Variants in AUTS2 observed in about 807,000 individuals in gnomAD.
AUTS2 encodes the protein autism susceptibility gene 2 protein.
Under a neutral mutation model 112.4 loss-of-function variants are expected in AUTS2, and 17 were observed. The observed-to-expected ratio is 0.15, with a 90% CI of 0.10 to 0.23. AUTS2 has a LOEUF of 0.23. AUTS2 is among the 10% of genes least tolerant of loss of function. The pLI is 1.00. For synonymous variants in AUTS2, 751 were observed against 702.7 expected (o/e 1.07, Z -1.09); for missense variants, 1,510 against 1,701.6 (o/e 0.89, Z 1.98).
intron 1 of AUTS2, among the ~76,000 whole-genome samples, chr7:69,707,391 A>G (rs588004): frequency 0.71 from 108,364 of 152,062 alleles, 38,670 homozygotes; most frequent in East Asian, 0.78. Context: ...CTAGCTTATT[A>G]CAGAACTCAG....
chr7:70,296,120 T>C (rs1255274552), intron 4 of AUTS2, among the ~76,000 whole-genome samples: 2 of 152,214 alleles, frequency 1.3e-5, no homozygotes, highest in Non-Finnish European at 2.9e-5. Flanking sequence ...AACCCATTTC[T>C]AGAGGGATCT....
chr7:70,163,611 G>A (rs1020210417), intron 4 of AUTS2, among the ~76,000 whole-genome samples: 16 of 152,110 alleles, frequency 1.1e-4, no homozygotes, highest in African/African-American at 3.6e-4. Context: ...TGGGGCAAAC[G>A]TCGTTTGCAG....
intron 5 of AUTS2, among the ~76,000 whole-genome samples, chr7:70,636,281 G>A (rs763598979): frequency 3.3e-5 from 5 of 152,246 alleles, no homozygotes; most frequent in South Asian, 2.1e-4. Flanking sequence ...CAGCAGCATC[G>A]CCACCTGGGA....
intron 4 of AUTS2, among the ~76,000 whole-genome samples, chr7:70,161,253 A>G (rs1808060552): frequency 1.3e-5 from 2 of 151,918 alleles, no homozygotes; most frequent in African/African-American, 4.8e-5. Context: ...GTGCTTGTTT[A>G]ATGAATCTTT....
chr7:70,403,737 G>A (rs768053949), intron 4 of AUTS2, among the ~76,000 whole-genome samples: 1 of 152,204 alleles, frequency 6.6e-6, no homozygotes, highest in Non-Finnish European at 1.5e-5. Context: ...CATAAGGAAG[G>A]CTTGGCAGAA....
chr7:69,781,211 G>T (rs1347367354), intron 1 of AUTS2, among the ~76,000 whole-genome samples: 1 of 152,226 alleles, frequency 6.6e-6, no homozygotes. Flanking sequence ...CCATGGCCTA[G>T]ATGAAGGTTA....
chr7:70,652,798 G>A (rs1304814573), intron 5 of AUTS2, among the ~76,000 whole-genome samples: 1 of 152,112 alleles, frequency 6.6e-6, no homozygotes, highest in Non-Finnish European at 1.5e-5. Flanking sequence ...TTTACTCTTG[G>A]ATATTGAGAT....
At chr7:69,980,439 G>T (rs1250471048) in intron 2 of AUTS2, among the ~76,000 whole-genome samples, 4 of 152,150 alleles carry the variant, frequency 2.6e-5, no homozygotes, top group Admixed American at 2.6e-4. Flanking sequence ...GGATAGTTGT[G>T]TGGAGAAAGG....
chr7:69,877,261 T>C (rs1345124543), intron 1 of AUTS2, among the ~76,000 whole-genome samples: 1 of 152,184 alleles, frequency 6.6e-6, no homozygotes, highest in Non-Finnish European at 1.5e-5. Flanking sequence ...TGAAAAGCCT[T>C]CTGCCACCAG....
chr7:70,285,636 C>T (rs988921277), intron 4 of AUTS2, among the ~76,000 whole-genome samples: 3 of 152,156 alleles, frequency 2.0e-5, no homozygotes, highest in Non-Finnish European at 4.4e-5. Context: ...GTACTGATAT[C>T]TTCTTCCAAA....
intron 5 of AUTS2, among the ~76,000 whole-genome samples, chr7:70,653,195 T>A (rs2129541982): frequency 6.6e-6 from 1 of 152,330 alleles, no homozygotes; most frequent in South Asian, 2.1e-4. Flanking sequence ...TGAGCTATGA[T>A]CATGCCACTG....
At chr7:70,242,088 G>T (rs1812643568) in intron 4 of AUTS2, among the ~76,000 whole-genome samples, 1 of 152,172 alleles carries the variant, frequency 6.6e-6, no homozygotes, top group Admixed American at 6.6e-5. Context: ...TGGCCTTAGG[G>T]AGGGAAGTCT....
intron 5 of AUTS2, among the ~76,000 whole-genome samples, chr7:70,608,311 C>T (rs1803890596): frequency 6.6e-6 from 1 of 152,028 alleles, no homozygotes; most frequent in South Asian, 2.1e-4. Context: ...CACTATGTTG[C>T]CCAGCCTGTC....
chr7:70,582,175 G>A (rs1802481782), intron 5 of AUTS2, among the ~76,000 whole-genome samples: 1 of 151,634 alleles, frequency 6.6e-6, no homozygotes, highest in South Asian at 2.1e-4. Context: ...GGAATTTTAT[G>A]AAGTTGGGGG....
chr7:69,667,597 CT>C (rs1185757459), intron 1 of AUTS2, among the ~76,000 whole-genome samples: 4 of 152,176 alleles, frequency 2.6e-5, no homozygotes. Flanking sequence ...CTCAGGTGAT[CT>C]GCCTGCCTTG....
intron 5 of AUTS2, among the ~76,000 whole-genome samples, chr7:70,658,102 C>T (rs1563107150): frequency 6.6e-6 from 1 of 152,220 alleles, no homozygotes; most frequent in African/African-American, 2.4e-5. Context: ...AACAATTGGA[C>T]TATAATGAGA....
chr7:70,777,066 G>A (rs370739585), intron 13 of AUTS2, 37 bp from the exon 14 acceptor site: 17 of 1,601,396 alleles, frequency 1.1e-5, no homozygotes, highest in Non-Finnish European at 1.4e-5. Flanking sequence ...TCTCTGAAAT[G>A]TCTTCCTCCT....
chr7:70,300,192 T>C (rs1789143404), intron 4 of AUTS2, among the ~76,000 whole-genome samples: 1 of 152,184 alleles, frequency 6.6e-6, no homozygotes, highest in African/African-American at 2.4e-5. Flanking sequence ...AGAATTGTCT[T>C]AGGCCACGCA....
chr7:69,802,336 C>A (rs560941041), intron 1 of AUTS2, among the ~76,000 whole-genome samples: 1 of 152,270 alleles, frequency 6.6e-6, no homozygotes, highest in South Asian at 2.1e-4. Flanking sequence ...GGAACCACCT[C>A]TCTCAGATCT....
Sources: allele counts gnomAD v4.1 joint callset (sites outside exome capture counted in the v4.1 genomes callset), GRCh38; gene constraint gnomAD v4.1.1; transcripts MANE v1.5; gene names NCBI Gene and HGNC (gene_info 2026-07-23, HGNC 2026-07-21).